LPP: variants seen among roughly 807,000 people sequenced by gnomAD.
LPP encodes the protein lipoma-preferred partner.
In LPP, 38 loss-of-function variants were observed where a neutral mutation model predicts 60.4. The observed-to-expected ratio is 0.63, with a 90% CI of 0.49 to 0.83. The LOEUF is 0.83. Among genes scored for constraint, LPP ranks in the 40% least tolerant of loss-of-function variants. The pLI is 0.00. For missense variants in LPP, 902 were observed against 783.6 expected (o/e 1.15, Z -1.80); for synonymous variants, 328 against 290.8 (o/e 1.13, Z -1.30).
intron 9 of LPP, among the ~76,000 whole-genome samples, chr3:188,767,127 A>G (rs986729690): frequency 1.3e-5 from 2 of 152,332 alleles, no homozygotes; most frequent in African/African-American, 4.8e-5. Flanking sequence ...TGCACAAGAG[A>G]TGCATAGCAA....
At chr3:188,616,009 G>A (rs1844780686) in intron 7 of LPP, among the ~76,000 whole-genome samples, 1 of 152,096 alleles carries the variant, frequency 6.6e-6, no homozygotes, top group South Asian at 2.1e-4. Context: ...TGGGTAGATT[G>A]CAAAAATTTT....
At chr3:188,242,107 C>T (rs1254179052) in intron 2 of LPP, among the ~76,000 whole-genome samples, 1 of 152,234 alleles carries the variant, frequency 6.6e-6, no homozygotes, top group Non-Finnish European at 1.5e-5. Context: ...AGATCATTTC[C>T]TCAGTTGGGT....
At chr3:188,768,078 A>C (rs1449156964) in intron 9 of LPP, among the ~76,000 whole-genome samples, 3 of 152,148 alleles carry the variant, frequency 2.0e-5, no homozygotes, top group Non-Finnish European at 4.4e-5. Context: ...ATTGCACTTA[A>C]AATTTTATAT....
chr3:188,356,191 A>G (rs1767562188), intron 3 of LPP, among the ~76,000 whole-genome samples: 1 of 152,188 alleles, frequency 6.6e-6, no homozygotes, highest in Non-Finnish European at 1.5e-5. Flanking sequence ...TTCTCAGCAC[A>G]TTGATGATCC....
Position 188,415,625 on chromosome 3 carries a change from T to A in LPP, c.193+9312T>A, listed in dbSNP as rs1281380698. On this transcript the variant is annotated intron_variant, in intron 4 of 11. Coordinates refer to ENST00000617246, the MANE Select transcript of LPP (RefSeq NM_001375462.1). ...AATACCATTCAGCAGTAAAAAAGAA[T>A]GAAGTATTGTTGGTATATGCAATAA... is the stretch of plus-strand genomic sequence containing the variant. Among the ~76,000 whole-genome samples the A allele has an allele frequency of 2.0e-5, 3 of 152,000 alleles. No homozygotes were observed. In the East Asian group the frequency reaches 5.8e-4, roughly 29 times the overall value.
At position 188,610,050 on chromosome 3, in the gene LPP, G is replaced by T. The variant is rs1284247580; in HGVS notation, c.1113+206G>T. On this transcript the variant is annotated intron_variant, in intron 7 of 11. Transcript: ENST00000617246. This position sits in a 1 kb window ranked among gnomAD's most constrained non-coding sequence, Gnocchi z 4.4. ...TATGGCCACTGTTTAGTATCAAATGGAATTGCTTGCTCAATCTCAGAGAAT... is the reference window on the plus strand; with the variant it reads ...TATGGCCACTGTTTAGTATCAAATGTAATTGCTTGCTCAATCTCAGAGAAT... Among the ~76,000 whole-genome samples, 1 of 152,146 alleles carries T rather than the reference G, an allele frequency of 6.6e-6. No homozygotes were observed. The highest frequency in any genetic ancestry group is 1.5e-5 in the Non-Finnish European group (1 of 68,022).
chr3:188,670,033 C>T (rs1174317402), intron 7 of LPP, among the ~76,000 whole-genome samples: 1 of 152,120 alleles, frequency 6.6e-6, no homozygotes, highest in Non-Finnish European at 1.5e-5. Flanking sequence ...TGTTCTCACT[C>T]ATAGGTGGGA....
In LPP at chr3:188,427,074, G is replaced by C. The variant is rs902304853; in HGVS notation, c.193+20761G>C. On this transcript the variant is annotated intron_variant, in intron 4 of 11. Transcript: ENST00000617246. ...GGTCTTTACAATGCGCTATGTTTTT[G>C]CAGTGGCTAGTACTGTACTAGTTGT... Among the ~76,000 whole-genome samples, 8 of 152,236 alleles carry C rather than the reference G, an allele frequency of 5.3e-5. 1 individual carries two copies. Among genetic ancestry groups the C allele is most frequent in the Admixed American group, 6.5e-5 (1 of 15,284 alleles).
intron 2 of LPP, among the ~76,000 whole-genome samples, chr3:188,306,247 A>AT (rs66669354): frequency 0.18 from 26,289 of 145,500 alleles, 2,511 homozygotes; most frequent in East Asian, 0.32. Context: ...TGTCCAGCTA[A>AT]TTTTTTTTTT....
chr3:188,282,967 T>C (rs1171248727), intron 2 of LPP, among the ~76,000 whole-genome samples: 1 of 152,166 alleles, frequency 6.6e-6, no homozygotes, highest in Non-Finnish European at 1.5e-5. Context: ...AACTGTTAAA[T>C]TGAATTACTG....
intron 10 of LPP, among the ~76,000 whole-genome samples, chr3:188,867,179 A>C (rs1163023746): frequency 6.6e-6 from 1 of 151,372 alleles, no homozygotes; most frequent in Non-Finnish European, 1.5e-5. Context: ...GAAAATTAAG[A>C]AATTTAAACA....
intron 2 of LPP, among the ~76,000 whole-genome samples, chr3:188,306,141 C>T (rs947780501): frequency 4.6e-5 from 7 of 152,036 alleles, no homozygotes; most frequent in South Asian, 2.1e-4. Flanking sequence ...AGTGCAGTGG[C>T]GTGATCTCGG....
At chr3:188,276,102 A>G (rs2149842724) in intron 2 of LPP, among the ~76,000 whole-genome samples, 1 of 152,348 alleles carries the variant, frequency 6.6e-6, no homozygotes, top group Admixed American at 6.5e-5. Context: ...AAATAAATAA[A>G]CACAGCAAAC....
At chr3:188,197,440 C>G (rs1187208345) in intron 1 of LPP, among the ~76,000 whole-genome samples, 1 of 152,154 alleles carries the variant, frequency 6.6e-6, no homozygotes, top group Non-Finnish European at 1.5e-5. Flanking sequence ...ACACAGCTGG[C>G]ATGGCAGGCA....
intron 3 of LPP, among the ~76,000 whole-genome samples, chr3:188,377,401 A>G (rs1048812086): frequency 1.3e-5 from 2 of 152,004 alleles, no homozygotes; most frequent in African/African-American, 2.4e-5. Context: ...GGCTTTGTTC[A>G]TTTCTTTTTA....
At chr3:188,376,418 G>A (rs570776357) in intron 3 of LPP, among the ~76,000 whole-genome samples, 1 of 152,278 alleles carries the variant, frequency 6.6e-6, no homozygotes, top group South Asian at 2.1e-4. Flanking sequence ...ATTTAGGATA[G>A]TTAGCTCTTC....
At chr3:188,306,686 A>T (rs1021611563) in intron 2 of LPP, among the ~76,000 whole-genome samples, 11 of 152,034 alleles carry the variant, frequency 7.2e-5, no homozygotes, top group African/African-American at 2.7e-4. Context: ...CGTGGTGGGG[A>T]ATGGGAGGTG....
chr3:188,442,164 T>G (rs1278407706), intron 4 of LPP, among the ~76,000 whole-genome samples: 4 of 152,214 alleles, frequency 2.6e-5, no homozygotes. Flanking sequence ...AGGGTACATG[T>G]GCACAACGTG....
In LPP at chr3:188,326,396, C is replaced by T. The variant is rs558672592; in HGVS notation, c.-66-15267C>T. Among the ~76,000 whole-genome samples, 24 of 152,120 alleles carry T rather than the reference C, an allele frequency of 1.6e-4. No individual in the cohort carries two copies. In the South Asian group the frequency reaches 4.2e-3, roughly 26 times the overall value. On this transcript the variant is annotated intron_variant, in intron 2 of 11. Coordinates refer to ENST00000617246, the MANE Select transcript of LPP (RefSeq NM_001375462.1). The stretch of plus-strand genomic sequence containing the variant: ...CAGTCTCTCTTGTTGTCATGGTGAC[C>T]GGAGTATATTTAGAAATGTGACAAG...
Sources: gnomAD v4.1 joint callset for allele counts (sites outside exome capture counted in the v4.1 genomes callset) on GRCh38, gnomAD v4.1.1 for gene constraint, Gnocchi (gnomAD v3.1) non-coding constraint, MANE v1.5 for transcripts, NCBI Gene and HGNC (gene_info 2026-07-23, HGNC 2026-07-21) for gene names.